Variants in EPB41L4A observed in about 807,000 individuals in gnomAD.
EPB41L4A encodes erythrocyte membrane protein band 4.1 like 4A.
A neutral mutation model predicts 108.6 loss-of-function variants in EPB41L4A; 100 were observed. The observed-to-expected ratio is 0.92, with a 90% confidence interval of 0.78 to 1.09. The LOEUF is 1.09. Among genes scored for constraint, EPB41L4A ranks in the 50% least tolerant of loss-of-function variants. EPB41L4A has a pLI of 0.00. For missense variants in EPB41L4A, 1,030 were observed against 842.7 expected, an observed-to-expected ratio of 1.22 and a Z score of -2.75; for synonymous variants, 319 against 289.0, an observed-to-expected ratio of 1.10 and a Z score of -1.05.
At chr5:112,236,216 C>T (rs756436992) in intron 11 of EPB41L4A, among the ~76,000 whole-genome samples, 1 of 152,022 alleles carries the variant, frequency 6.6e-6, no homozygotes, top group Non-Finnish European at 1.5e-5. Context: ...AAATCATATC[C>T]TAAGATTAAT....
Position 112,419,000 on chromosome 5 carries a change from C to A in EPB41L4A, c.40G>T (p.Glu14Ter). The A allele has an allele frequency of 6.2e-7, 1 of 1,613,662 alleles. No homozygotes were observed. Among genetic ancestry groups the A allele is most frequent in the Non-Finnish European group, 8.5e-7 (1 of 1,179,736 alleles). Residue 14 changes from glutamate (E) to a stop codon, truncating the protein, a stop_gained, in exon 1 of 23, where the codon GAA becomes TAA. Coordinates refer to ENST00000261486, the MANE Select transcript of EPB41L4A (RefSeq NM_022140.5). LOFTEE classifies it high-confidence loss of function. ...TTGGATTCATCCAGGAGCAAAACTTCGCAGTAAAATTCTTCCGGAACAGCG... is the reference window on the plus strand; with the variant it reads ...TTGGATTCATCCAGGAGCAAAACTTAGCAGTAAAATTCTTCCGGAACAGCG... ...FCAVPEEFYC[E>*]VLLLDESKLT...
Position 112,266,292 on chromosome 5 carries a change from T to TG in EPB41L4A, c.373dup (p.Gln125ProfsTer27). On this transcript the variant is annotated frameshift_variant, in exon 5 of 23. Transcript: ENST00000261486. LOFTEE classifies it high-confidence loss of function. ...GTTGACGGGACAGGGCAGACGGCCCTGAAGGACATCTTGCTTCACCTGCAA... is the reference window on the plus strand; with the variant it reads ...GTTGACGGGACAGGGCAGACGGCCCTGGAAGGACATCTTGCTTCACCTGCAA... The TG allele has an allele frequency of 6.2e-7, 1 of 1,609,904 alleles. No homozygotes were observed. Among genetic ancestry groups the TG allele is most frequent in the Non-Finnish European group, 8.5e-7 (1 of 1,178,390 alleles).
At chr5:112,315,558 A>C (rs879319497) in intron 1 of EPB41L4A, among the ~76,000 whole-genome samples, 2 of 152,206 alleles carry the variant, frequency 1.3e-5, no homozygotes, top group Non-Finnish European at 2.9e-5. Context: ...GTATTTTGTT[A>C]TATCACCTGA....
At chr5:112,344,009 T>C (rs151324905) in intron 1 of EPB41L4A, among the ~76,000 whole-genome samples, 12 of 152,332 alleles carry the variant, frequency 7.9e-5, no homozygotes, top group Non-Finnish European at 1.6e-4. Context: ...TATGCTACGA[T>C]TGTGCCTGTG....
intron 1 of EPB41L4A, among the ~76,000 whole-genome samples, chr5:112,343,650 A>G (rs1757461981): frequency 6.6e-6 from 1 of 152,018 alleles, no homozygotes; most frequent in South Asian, 2.1e-4. Flanking sequence ...CTGAAGCCAG[A>G]CTTGGCTTTT....
At chr5:112,303,342 G>T (rs944742308) in intron 2 of EPB41L4A, among the ~76,000 whole-genome samples, 2 of 152,140 alleles carry the variant, frequency 1.3e-5, no homozygotes, top group Non-Finnish European at 2.9e-5. Flanking sequence ...CTCGGGGGCA[G>T]GGAAGAGAAT....
chr5:112,223,945 T>C (rs918109250), intron 12 of EPB41L4A, among the ~76,000 whole-genome samples: 11 of 152,114 alleles, frequency 7.2e-5, no homozygotes, highest in Non-Finnish European at 1.6e-4. Flanking sequence ...AAGAGTTTCA[T>C]TTGAACTTTA....
intron 1 of EPB41L4A, among the ~76,000 whole-genome samples, chr5:112,317,347 C>G (rs547392360): frequency 1.3e-5 from 2 of 152,284 alleles, no homozygotes; most frequent in East Asian, 3.9e-4. Flanking sequence ...AAGAGCTATG[C>G]AAACTTGTCA....
intron 9 of EPB41L4A, among the ~76,000 whole-genome samples, chr5:112,247,911 A>G (rs967897125): frequency 6.6e-6 from 1 of 152,198 alleles, no homozygotes; most frequent in African/African-American, 2.4e-5. Flanking sequence ...CTTTTTTAAA[A>G]AAACTACCAT....
chr5:112,316,406 T>C (rs1423389581), intron 1 of EPB41L4A, among the ~76,000 whole-genome samples: 4 of 152,136 alleles, frequency 2.6e-5, no homozygotes, highest in Non-Finnish European at 5.9e-5. Flanking sequence ...ATTACATTAA[T>C]TTTTTTAGCT....
rs141635488 is a variant in EPB41L4A, at chr5:112,233,113, C to G, written c.1087+1521G>C. Among the ~76,000 whole-genome samples the G allele has an allele frequency of 5.4e-3, 816 of 152,068 alleles. 17 individuals are homozygous for G. The South Asian group carries it at 0.056, about 10-fold the overall frequency. On this transcript the variant is annotated intron_variant, in intron 12 of 22. Transcript: ENST00000261486. The stretch of plus-strand genomic sequence containing the variant: ...GAATAAATTGTCAAACACAAGAATA[C>G]TCACAGCAAGAAAAAGGAATGTGCT...
At chr5:112,228,178 C>T (rs918423516) in intron 12 of EPB41L4A, 1 of 152,198 alleles carries the variant, frequency 6.6e-6, no homozygotes, top group East Asian at 1.9e-4. Flanking sequence ...ATCTGTTGAT[C>T]AGAAATGTTT....
chr5:112,204,330 T>A (rs377550622), intron 15 of EPB41L4A, 45 bp downstream of exon 15: 2 of 1,332,970 alleles, frequency 1.5e-6, no homozygotes, highest in South Asian at 2.4e-5. Context: ...TGGGACAAAA[T>A]GCTTCTGTTG....
intron 1 of EPB41L4A, among the ~76,000 whole-genome samples, chr5:112,314,723 G>A (rs566259681): frequency 6.6e-6 from 1 of 151,918 alleles, no homozygotes; most frequent in African/African-American, 2.4e-5. Flanking sequence ...AAGCCAGGAG[G>A]CGGAGGTTGC....
At chr5:112,270,683 C>T (rs1752204506) in intron 4 of EPB41L4A, among the ~76,000 whole-genome samples, 1 of 152,080 alleles carries the variant, frequency 6.6e-6, no homozygotes, top group South Asian at 2.1e-4. Flanking sequence ...AGGACCATTA[C>T]CTTCAGTGAA....
Position 112,205,524 on chromosome 5 carries a change from T to C in EPB41L4A, c.1179-20A>G. The C allele has an allele frequency of 6.5e-7, 1 of 1,528,144 alleles. No individual in the cohort carries two copies. Among genetic ancestry groups the C allele is most frequent in the Non-Finnish European group, 9.0e-7 (1 of 1,116,260 alleles). 94.7% of individuals were successfully genotyped at this position (1,528,144 alleles called of 1,614,324 possible). A position where few individuals can be genotyped will look rare whatever the true frequency, so the allele number is the denominator to read the frequency against. Reference sequence around the variant, plus strand: ...TTAAAGCTTTAATTTTAAAAAAAAGTATGAGAAATAAATTAAGTAGAAAAT... The same window carrying C: ...TTAAAGCTTTAATTTTAAAAAAAAGCATGAGAAATAAATTAAGTAGAAAAT... On this transcript the variant is annotated intron_variant, in intron 13 of 22. Coordinates refer to ENST00000261486, the MANE Select transcript of EPB41L4A (RefSeq NM_022140.5).
chr5:112,162,862 A>G lies in EPB41L4A; in HGVS notation c.*2128T>C, dbSNP rs775694046. 5 of 152,262 alleles carry G rather than the reference A, an allele frequency of 3.3e-5. No homozygotes were observed. Among genetic ancestry groups the G allele is most frequent in the Non-Finnish European group, 7.3e-5 (5 of 68,050 alleles). 9.4% of individuals were successfully genotyped at this position (152,262 alleles called of 1,614,324 possible). A position where few individuals can be genotyped will look rare whatever the true frequency, so the allele number is the denominator to read the frequency against. On this transcript the variant is annotated 3_prime_UTR_variant, in exon 23 of 23. Coordinates refer to ENST00000261486, the MANE Select transcript of EPB41L4A (RefSeq NM_022140.5). Reference sequence around the variant, plus strand: ...GCAAAACTGGGGGAATGACATATACAGAGGCTTGGGCTAGAAAAAAGATAC... The same window carrying G: ...GCAAAACTGGGGGAATGACATATACGGAGGCTTGGGCTAGAAAAAAGATAC...
At chr5:112,170,781 G>A (rs925452026) in intron 19 of EPB41L4A, among the ~76,000 whole-genome samples, 164 bp downstream of exon 19, 4 of 152,192 alleles carry the variant, frequency 2.6e-5, no homozygotes, top group African/African-American at 9.7e-5. Context: ...GTGTTGATAT[G>A]GTTAAGGCAC....
At chr5:112,418,317 T>C (rs903688438) in intron 1 of EPB41L4A, among the ~76,000 whole-genome samples, 8 of 152,320 alleles carry the variant, frequency 5.3e-5, no homozygotes, top group Admixed American at 3.9e-4. Flanking sequence ...TCTAGGTTAA[T>C]GTAGTGATTG....
Sources: allele counts gnomAD v4.1 joint callset (sites outside exome capture counted in the v4.1 genomes callset), GRCh38; gene constraint gnomAD v4.1.1; transcripts MANE v1.5; gene names NCBI Gene and HGNC (gene_info 2026-07-23, HGNC 2026-07-21).